DYNC2H1: variants seen among roughly 807,000 people sequenced by gnomAD.
DYNC2H1 encodes the protein dynein cytoplasmic 2 heavy chain 1, also known as cytoplasmic dynein 2 heavy chain 1.
A neutral mutation model predicts 570.0 loss-of-function variants in DYNC2H1; 410 were observed. The observed-to-expected ratio is 0.72, with a 90% confidence interval of 0.66 to 0.78. The LOEUF (loss-of-function observed/expected upper bound fraction) is 0.78. Ranked by LOEUF, DYNC2H1 falls within the 30% of genes least tolerant of loss-of-function variation. The pLI is 0.00. For missense variants in DYNC2H1, 4,865 were observed against 5,046.4 expected (o/e 0.96, Z 1.09); for synonymous variants, 1,688 against 1,677.6 (o/e 1.01, Z -0.15).
chr11:103,266,358 C>T (rs1865505153), intron 70 of DYNC2H1, among the ~76,000 whole-genome samples: 1 of 152,048 alleles, frequency 6.6e-6, no homozygotes, highest in South Asian at 2.1e-4. Flanking sequence ...GGTGTTGGCT[C>T]AAGGGCAGGG....
At position 103,369,058 on chromosome 11, in the gene DYNC2H1, A is replaced by G. The variant is rs1941036511; in HGVS notation, c.12156+10699A>G. Among the ~76,000 whole-genome samples the G allele has an allele frequency of 6.6e-6, 1 of 152,192 alleles. No homozygotes were observed. The highest frequency in any genetic ancestry group is 2.4e-5 in the African/African-American group (1 of 41,442). On this transcript the variant is annotated intron_variant, in intron 83 of 88. Coordinates refer to ENST00000375735, the MANE Select transcript of DYNC2H1 (RefSeq NM_001377.3). This position sits in a 1 kb window ranked among gnomAD's most constrained non-coding sequence, Gnocchi z 4.0. The stretch of plus-strand genomic sequence containing the variant: ...CTGGTTTTAACTTCTTATTGCTGAA[A>G]GAGGCATTGAAGAGGTAGGAAAAAC...
At chr11:103,433,617 C>A (rs538839336) in intron 84 of DYNC2H1, among the ~76,000 whole-genome samples, 7 of 152,214 alleles carry the variant, frequency 4.6e-5, no homozygotes, top group Admixed American at 4.6e-4. Flanking sequence ...AAAACTGCCA[C>A]AGTCTGCCCT....
intron 84 of DYNC2H1, among the ~76,000 whole-genome samples, chr11:103,416,166 G>A (rs1269042223): frequency 6.6e-6 from 1 of 152,178 alleles, no homozygotes; most frequent in African/African-American, 2.4e-5. Context: ...GGGGGGCTGA[G>A]GGAGGGATAG....
chr11:103,398,259 C>T (rs1942477089), intron 83 of DYNC2H1, among the ~76,000 whole-genome samples: 1 of 152,032 alleles, frequency 6.6e-6, no homozygotes, highest in Admixed American at 6.6e-5. Context: ...TTATTGCATG[C>T]TCTGACAAGT....
rs76141588 is a variant in DYNC2H1, at chr11:103,474,075, A to G, written c.12766-5020A>G. On this transcript the variant is annotated intron_variant, in intron 88 of 88. Transcript: ENST00000375735. The stretch of plus-strand genomic sequence containing the variant: ...ATTTCACTAACATATTTTGTATGTT[A>G]TTTTTTTTCTTCAAGGACTTATTAT... 6.6e-3 allele frequency: 1,593 copies of G among 242,340 alleles called. 33 individuals carry two copies. The highest frequency in any genetic ancestry group is 0.033 in the African/African-American group (1,427 of 43,398). The allele number at this position is 242,340 out of a possible 1,614,324, so 15.0% of individuals were successfully genotyped here.
At position 103,472,414 on chromosome 11, in the gene DYNC2H1, A is replaced by G. The variant is rs1269643034; in HGVS notation, c.12765+3709A>G. Among the ~76,000 whole-genome samples, 1 of 152,176 alleles carries G rather than the reference A, an allele frequency of 6.6e-6. No homozygotes were observed. Among genetic ancestry groups the G allele is most frequent in the African/African-American group, 2.4e-5 (1 of 41,444 alleles). ...TTTTTAAAGAATTGAGAACAGGAGTATGGTAAGATCAGATTTGTAGTTTTA... is the reference window on the plus strand; with the variant it reads ...TTTTTAAAGAATTGAGAACAGGAGTGTGGTAAGATCAGATTTGTAGTTTTA... On this transcript the variant is annotated intron_variant, in intron 88 of 88. Transcript: ENST00000375735. The surrounding 1 kb of genome is among the most constrained non-coding windows in gnomAD (Gnocchi z 4.1).
chr11:103,439,014 T>C lies in DYNC2H1; in HGVS notation c.12456+2982T>C, dbSNP rs1008672275. On this transcript the variant is annotated intron_variant, in intron 85 of 88. Coordinates refer to ENST00000375735, the MANE Select transcript of DYNC2H1 (RefSeq NM_001377.3). The surrounding 1 kb of genome is among the most constrained non-coding windows in gnomAD (Gnocchi z 4.1). ...AATTCCGCAAATGTGATTAATACTT[T>C]CCTGGTGCCAAACACTGTGTGAGGT... 6.6e-6 allele frequency among the ~76,000 whole-genome samples: 1 copy of C among 152,112 alleles called. No individual in the cohort carries two copies. Among genetic ancestry groups the C allele is most frequent in the Non-Finnish European group, 1.5e-5 (1 of 67,990 alleles).
chr11:103,131,164 A>T (rs936453237), intron 13 of DYNC2H1, among the ~76,000 whole-genome samples: 4 of 152,178 alleles, frequency 2.6e-5, no homozygotes, highest in Non-Finnish European at 5.9e-5. Context: ...ATTAGTCTTA[A>T]ATATTTTCCC....
Position 103,189,097 on chromosome 11 carries a change from A to G in DYNC2H1, c.7292+449A>G, listed in dbSNP as rs1410526637. Among the ~76,000 whole-genome samples, 1 of 152,124 alleles carries G rather than the reference A, an allele frequency of 6.6e-6. No individual in the cohort carries two copies. Among genetic ancestry groups the G allele is most frequent in the Non-Finnish European group, 1.5e-5 (1 of 68,006 alleles). Reference sequence around the variant, plus strand: ...TCCACGGGCCATAATTACAGAGACTATGGCAATATCTCCTCTGTTTATATT... The same window carrying G: ...TCCACGGGCCATAATTACAGAGACTGTGGCAATATCTCCTCTGTTTATATT... On this transcript the variant is annotated intron_variant, in intron 44 of 88. Transcript: ENST00000375735. The surrounding 1 kb of genome is among the most constrained non-coding windows in gnomAD (Gnocchi z 4.3).
At chr11:103,418,270 A>C (rs569493348) in intron 84 of DYNC2H1, among the ~76,000 whole-genome samples, 2 of 152,178 alleles carry the variant, frequency 1.3e-5, no homozygotes, top group Non-Finnish European at 2.9e-5. Flanking sequence ...CTATTTACAA[A>C]ATCTTAAGGA....
intron 85 of DYNC2H1, among the ~76,000 whole-genome samples, chr11:103,445,358 T>C (rs1346129235): frequency 1.3e-5 from 2 of 152,250 alleles, no homozygotes; most frequent in African/African-American, 4.8e-5. Context: ...ATGCCCATCT[T>C]AAAGTATGAT....
rs1382373350 is a variant in DYNC2H1 at position 103,446,107 on chromosome 11, T to C, written c.12457-9079T>C. Among the ~76,000 whole-genome samples the C allele has an allele frequency of 6.6e-6, 1 of 152,134 alleles. No homozygotes were observed. The highest frequency in any genetic ancestry group is 1.5e-5 in the Non-Finnish European group (1 of 68,036). On this transcript the variant is annotated intron_variant, in intron 85 of 88. Transcript: ENST00000375735. This position sits in a 1 kb window ranked among gnomAD's most constrained non-coding sequence, Gnocchi z 4.5. ...GAGTGGTCTTGCAAATTAAAAGTTC[T>C]AATTTGAACATGATAAGTTTAGATG...
intron 85 of DYNC2H1, among the ~76,000 whole-genome samples, chr11:103,443,872 A>G (rs1361031467): frequency 6.6e-6 from 1 of 151,830 alleles, no homozygotes; most frequent in Non-Finnish European, 1.5e-5. Flanking sequence ...TTTCTCCTTG[A>G]GAAATTTTGA....
intron 11 of DYNC2H1, 33 bp from the exon 12 acceptor site, chr11:103,125,067 G>T (rs757014933): frequency 2.0e-6 from 3 of 1,535,942 alleles, no homozygotes; most frequent in Non-Finnish European, 2.7e-6. Flanking sequence ...GTGAGAACAT[G>T]AAACTTAACA....
intron 86 of DYNC2H1, 78 bp downstream of exon 86, chr11:103,455,373 C>G: frequency 9.5e-7 from 1 of 1,054,990 alleles, no homozygotes; most frequent in Non-Finnish European, 1.4e-6. Context: ...ATTACACTGC[C>G]CTTGATTGTC....
In DYNC2H1 at chr11:103,256,156, G is replaced by A. The variant is rs111361784; in HGVS notation, c.10377G>A (p.Glu3459=). ...GNILENKDLI[E]SLNQTKASSA... ...TTTTGGAAAATAAGGATTTGATTGA[G>A]TCTTTGAATCAGACAAAAGCAAGCA... Residue 3459 remains glutamate (E), a synonymous_variant, in exon 68 of 89, where the codon GAG becomes GAA. Coordinates refer to ENST00000375735, the MANE Select transcript of DYNC2H1 (RefSeq NM_001377.3). The surrounding 1 kb of genome is among the most constrained non-coding windows in gnomAD (Gnocchi z 4.0). 1 of 1,608,782 alleles carries A rather than the reference G, an allele frequency of 6.2e-7. No homozygotes were observed. The highest frequency in any genetic ancestry group is 8.5e-7 in the Non-Finnish European group (1 of 1,177,122).
intron 12 of DYNC2H1, among the ~76,000 whole-genome samples, chr11:103,126,805 A>G (rs1462455342): frequency 1.3e-5 from 2 of 151,860 alleles, no homozygotes. Flanking sequence ...CACAGCTAAT[A>G]TTTTTTGTAC....
intron 18 of DYNC2H1, among the ~76,000 whole-genome samples, chr11:103,144,056 G>A (rs1031061424): frequency 5.9e-5 from 9 of 152,176 alleles, no homozygotes; most frequent in Non-Finnish European, 1.3e-4. Flanking sequence ...TGCTTTAGGA[G>A]TACAAAGAGG....
intron 17 of DYNC2H1, among the ~76,000 whole-genome samples, chr11:103,137,770 AC>A (rs1859657133): frequency 6.6e-6 from 1 of 152,076 alleles, no homozygotes; most frequent in Admixed American, 6.6e-5. Context: ...GAAGAAAGTC[AC>A]TGGTAGCTTG....
Sources: allele counts gnomAD v4.1 joint callset (sites outside exome capture counted in the v4.1 genomes callset), GRCh38; gene constraint gnomAD v4.1.1; non-coding constraint Gnocchi (gnomAD v3.1); transcripts MANE v1.5; gene names NCBI Gene and HGNC (gene_info 2026-07-23, HGNC 2026-07-21).